Variants in NUDT13 observed in about 807,000 individuals in gnomAD.
NUDT13 encodes nudix hydrolase 13.
NUDT13 carries 40 observed loss-of-function variants against 41.7 expected under a neutral mutation model. The observed-to-expected ratio is 0.96, with a 90% CI of 0.75 to 1.25. The LOEUF (loss-of-function observed/expected upper bound fraction) is 1.25, where lower values mean the gene tolerates loss of function less well. Ranked by LOEUF, NUDT13 falls within the 50% of genes most tolerant of loss-of-function variation. NUDT13 has a pLI of 0.00. For missense variants in NUDT13, 390 were observed against 416.1 expected, an observed-to-expected ratio of 0.94 and a Z score of 0.55; for synonymous variants, 145 against 155.5, an observed-to-expected ratio of 0.93 and a Z score of 0.50.
At position 73,111,039 on chromosome 10, in the gene NUDT13, C is replaced by A. The variant is rs566096505; in HGVS notation, c.-10+472C>A. Among the ~76,000 whole-genome samples the A allele has an allele frequency of 1.2e-4, 19 of 152,034 alleles. No homozygotes were observed. The South Asian group carries it at 3.7e-3, about 30-fold the overall frequency. On this transcript the variant is annotated intron_variant, in intron 1 of 8. Coordinates refer to ENST00000357321, the MANE Select transcript of NUDT13 (RefSeq NM_015901.6). Reference sequence around the variant, plus strand: ...TCGCCCAGGCTGGAGTGCAGTGACACGATCTCCACTCACTGCAAGCTCCGC... The same window carrying A: ...TCGCCCAGGCTGGAGTGCAGTGACAAGATCTCCACTCACTGCAAGCTCCGC...
chr10:73,114,569 ATT>A (rs532204992), intron 2 of NUDT13, 121 bp downstream of exon 2: 2 of 288,106 alleles, frequency 6.9e-6, no homozygotes, highest in African/African-American at 2.3e-5. Flanking sequence ...ATATTACTAT[ATT>A]TGTGTGTGTG....
At chr10:73,129,319 C>T (rs901300265) in intron 8 of NUDT13, among the ~76,000 whole-genome samples, 3 of 151,840 alleles carry the variant, frequency 2.0e-5, no homozygotes, top group African/African-American at 7.3e-5. Context: ...ATTACAGGTG[C>T]CTGCCAGCAT....
At chr10:73,130,583 G>A (rs1842896459) in intron 8 of NUDT13, 120 bp from the exon 9 acceptor site, 1 of 795,398 alleles carries the variant, frequency 1.3e-6, no homozygotes, top group African/African-American at 1.7e-5. Flanking sequence ...CTAACCTGAA[G>A]ATCCCAGGTA....
intron 2 of NUDT13, among the ~76,000 whole-genome samples, chr10:73,117,825 TTAAAA>T (rs1398031709): frequency 2.0e-5 from 3 of 152,320 alleles, no homozygotes; most frequent in African/African-American, 7.2e-5. Flanking sequence ...TTTTTTACTG[TTAAAA>T]TAAGGAAAAA....
chr10:73,119,937 AGC>A, intron 2 of NUDT13, 79 bp from the exon 3 acceptor site: 1 of 1,373,846 alleles, frequency 7.3e-7, no homozygotes, highest in South Asian at 1.2e-5. Flanking sequence ...AGAGGGATGC[AGC>A]GACAGCATTC....
At chr10:73,122,100 A>G (rs1234488142) in intron 3 of NUDT13, 75 bp from the exon 4 acceptor site, 2 of 1,481,040 alleles carry the variant, frequency 1.4e-6, no homozygotes, top group South Asian at 1.3e-5. Context: ...ATTTTCTGTG[A>G]GTCTAATATG....
intron 8 of NUDT13, 147 bp from the exon 9 acceptor site, chr10:73,130,556 C>G: frequency 3.2e-6 from 2 of 620,064 alleles, no homozygotes; most frequent in South Asian, 3.6e-5. Flanking sequence ...TGGGCAGTAT[C>G]TAGAACTGAC....
intron 2 of NUDT13, chr10:73,119,340 G>C (rs1348571742): frequency 4.8e-6 from 1 of 208,710 alleles, no homozygotes; most frequent in South Asian, 1.7e-4. Flanking sequence ...TACCACGCCC[G>C]GCCAGGTGCT....
chr10:73,131,763 T>G lies in NUDT13; in HGVS notation c.*860T>G, dbSNP rs1156782299. 6 of 152,256 alleles carry G rather than the reference T, an allele frequency of 3.9e-5. No homozygotes were observed. The highest frequency in any genetic ancestry group is 8.8e-5 in the Non-Finnish European group (6 of 68,050). 9.4% of individuals were successfully genotyped at this position (152,256 alleles called of 1,614,324 possible). On this transcript the variant is annotated 3_prime_UTR_variant, in exon 9 of 9. Coordinates refer to ENST00000357321, the MANE Select transcript of NUDT13 (RefSeq NM_015901.6). ...AAACTAAATTTAGGATTTCTCATCA[T>G]TCATATATGATGCCATAAGGGAGAA...
chr10:73,128,370 T>A (rs569216400), intron 8 of NUDT13, among the ~76,000 whole-genome samples: 6 of 152,156 alleles, frequency 3.9e-5, no homozygotes, highest in African/African-American at 1.4e-4. Flanking sequence ...TTTCTCTACA[T>A]CCTTACCAAT....
Position 73,125,254 on chromosome 10 carries a change from C to T in NUDT13, c.591+11C>T, listed in dbSNP as rs1842742283. 9 of 1,607,274 alleles carry T rather than the reference C, an allele frequency of 5.6e-6. No individual in the cohort carries two copies. The East Asian group carries it at 2.0e-4, about 36-fold the overall frequency. ...ATCTATTATCCACAGGTAATTATTGCTGTAAGAGGACAGTAATCCAAGAAG... is the reference window on the plus strand; with the variant it reads ...ATCTATTATCCACAGGTAATTATTGTTGTAAGAGGACAGTAATCCAAGAAG... On this transcript the variant is annotated intron_variant, in intron 6 of 8. Coordinates refer to ENST00000357321, the MANE Select transcript of NUDT13 (RefSeq NM_015901.6).
rs1198819154 is a variant in NUDT13, at chr10:73,130,736, G to T, written c.892G>T (p.Ala298Ser). Residue 298 changes from alanine to serine, a missense_variant, in exon 9 of 9, where the codon GCC (alanine) becomes TCC (serine). By Grantham distance (99) the Ala-to-Ser change is moderately conservative. Coordinates refer to ENST00000357321, the MANE Select transcript of NUDT13 (RefSeq NM_015901.6). ...GAACTTGAGAGAATTAGAGACAGCT[G>T]CCTGGTTCAGTCATGATGAGGTAGC... Reference protein sequence around the residue: ...QVNLRELETAAWFSHDEVATA... With the variant: ...QVNLRELETASWFSHDEVATA... The T allele has an allele frequency of 6.2e-7, 1 of 1,613,898 alleles. No individual in the cohort carries two copies. Among genetic ancestry groups the T allele is most frequent in the Non-Finnish European group, 8.5e-7 (1 of 1,179,914 alleles).
chr10:73,121,237 TGTG>T (rs1299194456), intron 3 of NUDT13, among the ~76,000 whole-genome samples: 1 of 152,100 alleles, frequency 6.6e-6, no homozygotes. Flanking sequence ...AGTCGAGCCT[TGTG>T]GTGTCTCAAA....
intron 8 of NUDT13, among the ~76,000 whole-genome samples, chr10:73,128,211 A>AT (rs1382086755): frequency 2.6e-5 from 4 of 152,210 alleles, no homozygotes; most frequent in African/African-American, 9.6e-5. Flanking sequence ...GGGAGTGCAG[A>AT]TATCTCTTCA....
chr10:73,125,254 C>A lies in NUDT13; in HGVS notation c.591+11C>A. ...ATCTATTATCCACAGGTAATTATTG[C>A]TGTAAGAGGACAGTAATCCAAGAAG... On this transcript the variant is annotated intron_variant, in intron 6 of 8. Transcript: ENST00000357321. The A allele has an allele frequency of 6.2e-7, 1 of 1,607,274 alleles. No individual in the cohort carries two copies. Among genetic ancestry groups the A allele is most frequent in the South Asian group, 1.1e-5 (1 of 90,586 alleles).
At chr10:73,118,313 T>C (rs1842563748) in intron 2 of NUDT13, among the ~76,000 whole-genome samples, 1 of 152,248 alleles carries the variant, frequency 6.6e-6, no homozygotes, top group African/African-American at 2.4e-5. Flanking sequence ...TTCTGAAAGA[T>C]AGCACTGGGG....
chr10:73,131,282 T>C lies in NUDT13; in HGVS notation c.*379T>C, dbSNP rs543405083. 2.8e-3 allele frequency: 544 copies of C among 194,460 alleles called. 3 individuals carry two copies. The highest frequency in any genetic ancestry group is 0.012 in the African/African-American group (507 of 43,788). 12.0% of individuals were successfully genotyped at this position (194,460 alleles called of 1,614,324 possible). A position where few individuals can be genotyped will look rare whatever the true frequency, so the allele number is the denominator to read the frequency against. On this transcript the variant is annotated 3_prime_UTR_variant, in exon 9 of 9. Transcript: ENST00000357321. ...CTGCCAAAATGTGCCTGTTGTAAGT[T>C]TGGTTAAAACTTTTATCTTAGTATT... is the stretch of plus-strand genomic sequence containing the variant.
chr10:73,114,304 C>T (rs1306817193), intron 1 of NUDT13, 53 bp from the exon 2 acceptor site: 11 of 890,508 alleles, frequency 1.2e-5, no homozygotes, highest in Non-Finnish European at 1.2e-5. Context: ...CAATTCATTA[C>T]TTTAAATTTC....
At chr10:73,125,621 A>G (rs2133226021) in intron 7 of NUDT13, 112 bp downstream of exon 7, 2 of 469,410 alleles carry the variant, frequency 4.3e-6, no homozygotes, top group South Asian at 4.8e-5. Context: ...ATTCTTTTCT[A>G]TCATGTCAAG....
Sources: allele counts gnomAD v4.1 joint callset (sites outside exome capture counted in the v4.1 genomes callset), GRCh38; gene constraint gnomAD v4.1.1; transcripts MANE v1.5; gene names NCBI Gene and HGNC (gene_info 2026-07-23, HGNC 2026-07-21).